The following EVL variants were observed in gnomAD, a reference collection of about 807,000 sequenced individuals.
EVL encodes the protein Enah/Vasp-like, also known as ena/VASP-like protein.
EVL carries 21 observed loss-of-function variants against 59.6 expected under a neutral mutation model. The ratio of observed to expected loss-of-function variants is 0.35; its 90% CI spans 0.25 to 0.51. The LOEUF is 0.51. EVL is among the 20% of genes least tolerant of loss of function. The pLI, the probability that EVL is intolerant of heterozygous loss-of-function variation, is 0.97. For missense variants in EVL, 462 were observed against 546.6 expected, an observed-to-expected ratio of 0.85 and a Z score of 1.54; for synonymous variants, 198 against 203.5, an observed-to-expected ratio of 0.97 and a Z score of 0.23.
chr14:100,006,937 TAA>T (rs1263313701), intron 1 of EVL, among the ~76,000 whole-genome samples: 4 of 151,944 alleles, frequency 2.6e-5, no homozygotes, highest in African/African-American at 9.7e-5. Flanking sequence ...GTTTGAGCCA[TAA>T]AGATAGCTCA....
intron 2 of EVL, among the ~76,000 whole-genome samples, chr14:100,091,309 G>C (rs538713033): frequency 6.6e-6 from 1 of 152,338 alleles, no homozygotes; most frequent in Non-Finnish European, 1.5e-5. Flanking sequence ...ATTTCAGAAT[G>C]GGTTCCGCCC....
chr14:100,058,227 G>A (rs1352420199), intron 1 of EVL, among the ~76,000 whole-genome samples: 1 of 152,166 alleles, frequency 6.6e-6, no homozygotes, highest in Non-Finnish European at 1.5e-5. Flanking sequence ...CCTTCTCTTG[G>A]AGTCTGGACA....
At chr14:99,975,024 C>T (rs1324245160) in intron 1 of EVL, 2 of 122,130 alleles carry the variant, frequency 1.6e-5, no homozygotes, top group African/African-American at 3.7e-5. Context: ...ACTCCTTGGC[C>T]TTGGCCTTGG....
In EVL at chr14:100,098,393, G is replaced by C. The variant is rs144432605; in HGVS notation, c.358+735G>C. On this transcript the variant is annotated intron_variant, in intron 3 of 13. Coordinates refer to ENST00000392920, the MANE Select transcript of EVL (RefSeq NM_016337.3). ...AGTGAGCCCGTAGTGCTGGGAAGAGGGCGATGCAGCATTTCTGGGGCCTGG... is the reference window on the plus strand; with the variant it reads ...AGTGAGCCCGTAGTGCTGGGAAGAGCGCGATGCAGCATTTCTGGGGCCTGG... Among the ~76,000 whole-genome samples, 527 of 152,252 alleles carry C rather than the reference G, an allele frequency of 3.5e-3. 2 individuals are homozygous for C. The highest frequency in any genetic ancestry group is 0.012 in the African/African-American group (492 of 41,542).
At chr14:100,040,960 C>T (rs947534629) in intron 1 of EVL, among the ~76,000 whole-genome samples, 4 of 152,192 alleles carry the variant, frequency 2.6e-5, no homozygotes, top group Non-Finnish European at 5.9e-5. Context: ...GCTAAAGACA[C>T]TCCATTTGAG....
At chr14:100,105,714 A>C (rs1048878420) in intron 3 of EVL, among the ~76,000 whole-genome samples, 2 of 151,988 alleles carry the variant, frequency 1.3e-5, no homozygotes, top group Non-Finnish European at 2.9e-5. Context: ...GTCTCGCAGC[A>C]TGAGAGTCCA....
At chr14:100,117,612 G>A (rs2181102) in intron 3 of EVL, among the ~76,000 whole-genome samples, 122,390 of 152,220 alleles carry the variant, frequency 0.8, 49,533 homozygotes, top group African/African-American at 0.9. Flanking sequence ...CTTACGGGTA[G>A]AGTGGAGCTC....
At position 100,130,070 on chromosome 14, in the gene EVL, G is replaced by C. The variant is rs1888334590; in HGVS notation, c.839+386G>C. On this transcript the variant is annotated intron_variant, in intron 7 of 13. Transcript: ENST00000392920. This position sits in a 1 kb window ranked among gnomAD's most constrained non-coding sequence, Gnocchi z 4.8. ...TGGTCGAGTTTGCAGAGGACACTCTGGTGAATGTGTGGTGAAGGCACCCCA... is the reference window on the plus strand; with the variant it reads ...TGGTCGAGTTTGCAGAGGACACTCTCGTGAATGTGTGGTGAAGGCACCCCA... Among the ~76,000 whole-genome samples the C allele has an allele frequency of 6.6e-6, 1 of 152,376 alleles. No homozygotes were observed. Among genetic ancestry groups the C allele is most frequent in the South Asian group, 2.1e-4 (1 of 4,832 alleles).
chr14:100,099,951 T>C (rs1266899345), intron 3 of EVL, among the ~76,000 whole-genome samples: 2 of 147,892 alleles, frequency 1.4e-5, no homozygotes, highest in Non-Finnish European at 3.0e-5. Context: ...TGCTTTTTTT[T>C]TTTGCCCCCA....
At chr14:100,065,255 G>A (rs142509033), upstream of EVL, 98 of 244,590 alleles carry the variant, frequency 4.0e-4, no homozygotes, top group East Asian at 6.0e-3. Context: ...CCTCTCAGCC[G>A]CCCACGCTGG....
At chr14:100,047,404 C>G (rs2061571219) in intron 1 of EVL, among the ~76,000 whole-genome samples, 1 of 152,068 alleles carries the variant, frequency 6.6e-6, no homozygotes, top group African/African-American at 2.4e-5. Flanking sequence ...TGGTTCTAGT[C>G]ATTGGGCAGA....
chr14:100,051,759 G>T (rs373959509), intron 1 of EVL, among the ~76,000 whole-genome samples: 87 of 152,286 alleles, frequency 5.7e-4, no homozygotes, highest in African/African-American at 1.4e-3. Context: ...ACTTCCTGGG[G>T]ATAAATTGGC....
intron 1 of EVL, among the ~76,000 whole-genome samples, chr14:100,068,864 C>G (rs578187201): frequency 6.6e-6 from 1 of 152,028 alleles, no homozygotes; most frequent in Non-Finnish European, 1.5e-5. Context: ...TAGCTGAGGT[C>G]GCGGTGCAGC....
intron 8 of EVL, 26 bp from the exon 9 acceptor site, chr14:100,135,879 A>G: frequency 6.2e-7 from 1 of 1,613,614 alleles, no homozygotes; most frequent in Admixed American, 1.7e-5. Flanking sequence ...GCCTTCCTAA[A>G]CAGACTCCCT....
At chr14:100,057,325 A>C (rs1266262834) in intron 1 of EVL, among the ~76,000 whole-genome samples, 1 of 152,172 alleles carries the variant, frequency 6.6e-6, no homozygotes, top group Non-Finnish European at 1.5e-5. Context: ...ACGGAAGTCT[A>C]AGGTCACAGA....
intron 1 of EVL, among the ~76,000 whole-genome samples, chr14:100,043,991 A>T (rs1363154960): frequency 1.3e-5 from 2 of 152,146 alleles, no homozygotes; most frequent in Non-Finnish European, 2.9e-5. Flanking sequence ...GTCCTACGAT[A>T]GACCCGCCCA....
chr14:100,102,452 T>C (rs969810408), intron 3 of EVL: 3 of 444,652 alleles, frequency 6.7e-6, no homozygotes, highest in African/African-American at 6.0e-5. Context: ...TTGTCTACAT[T>C]TTAGGAGTTG....
intron 3 of EVL, among the ~76,000 whole-genome samples, chr14:100,120,482 G>A (rs570144334): frequency 2.6e-5 from 4 of 152,206 alleles, no homozygotes; most frequent in Non-Finnish European, 5.9e-5. Context: ...TAAGAGAGGC[G>A]CATGGGCACC....
At chr14:100,078,749 C>T (rs2062223605) in intron 1 of EVL, among the ~76,000 whole-genome samples, 1 of 152,132 alleles carries the variant, frequency 6.6e-6, no homozygotes, top group Non-Finnish European at 1.5e-5. Context: ...AGCAGGGCAG[C>T]TCACTCACCC....
Sources: gnomAD v4.1 joint callset for allele counts (sites outside exome capture counted in the v4.1 genomes callset) on GRCh38, gnomAD v4.1.1 for gene constraint, Gnocchi (gnomAD v3.1) non-coding constraint, MANE v1.5 for transcripts, NCBI Gene and HGNC (gene_info 2026-07-23, HGNC 2026-07-21) for gene names.